MAML2: variants seen among roughly 807,000 people sequenced by gnomAD.
The protein encoded by MAML2 is mastermind like transcriptional coactivator 2.
In MAML2, 22 loss-of-function variants were observed where a neutral mutation model predicts 96.1. That is an observed-to-expected ratio of 0.23 (90% CI 0.16 to 0.33). MAML2 has a LOEUF of 0.33. Among genes scored for constraint, MAML2 ranks in the 10% least tolerant of loss-of-function variants. The probability of loss-of-function intolerance (pLI) is 1.00; values close to 1 mark genes in which losing one functional copy is unlikely to be tolerated. For synonymous variants in MAML2, 561 were observed against 521.3 expected (o/e 1.08, Z -1.04); for missense variants, 1,367 against 1,392.4 (o/e 0.98, Z 0.29).
chr11:96,034,913 C>T (rs1384872497), intron 2 of MAML2, among the ~76,000 whole-genome samples: 3 of 152,038 alleles, frequency 2.0e-5, no homozygotes, highest in Non-Finnish European at 4.4e-5. Flanking sequence ...TCAATATATG[C>T]CCTTAGTCAC....
chr11:96,011,007 CA>C (rs1272866544), intron 2 of MAML2, among the ~76,000 whole-genome samples: 4 of 152,000 alleles, frequency 2.6e-5, no homozygotes, highest in Non-Finnish European at 1.5e-5. Context: ...GTAAAATATT[CA>C]AAAATGGTTA....
chr11:96,202,355 A>AC (rs1861838892), intron 1 of MAML2, among the ~76,000 whole-genome samples: 1 of 151,302 alleles, frequency 6.6e-6, no homozygotes, highest in African/African-American at 2.4e-5. Flanking sequence ...CATCTCAAAA[A>AC]AAAAAAAAAA....
chr11:95,992,964 T>C (rs1857935619), intron 2 of MAML2, among the ~76,000 whole-genome samples: 1 of 152,030 alleles, frequency 6.6e-6, no homozygotes, highest in Non-Finnish European at 1.5e-5. Context: ...CACTGCAGCT[T>C]CAACCTCCCA....
chr11:96,122,497 G>GGTGTGT (rs67940033), intron 1 of MAML2, among the ~76,000 whole-genome samples: 11,051 of 135,670 alleles, frequency 0.081, 519 homozygotes, highest in Non-Finnish European at 0.13. Context: ...TTTTAGGCTG[G>GGTGTGT]GTGTGTGTGT....
chr11:96,005,186 A>G (rs648086), intron 2 of MAML2, among the ~76,000 whole-genome samples: 89,506 of 152,064 alleles, frequency 0.59, 27,088 homozygotes, highest in East Asian at 0.8. Context: ...TTTTGTTATA[A>G]CAGCACAAAT....
intron 1 of MAML2, among the ~76,000 whole-genome samples, chr11:96,309,799 G>C (rs1276924428): frequency 6.6e-6 from 1 of 151,382 alleles, no homozygotes; most frequent in Non-Finnish European, 1.5e-5. Context: ...TCCAGGCTCA[G>C]GTATTCCTCC....
intron 1 of MAML2, among the ~76,000 whole-genome samples, chr11:96,103,549 G>T (rs941743359): frequency 1.3e-5 from 2 of 152,144 alleles, no homozygotes; most frequent in African/African-American, 2.4e-5. Flanking sequence ...TACCAAAAAG[G>T]TCCCTTCTTT....
At chr11:96,097,791 G>A (rs116759175) in intron 1 of MAML2, among the ~76,000 whole-genome samples, 1 of 152,104 alleles carries the variant, frequency 6.6e-6, no homozygotes, top group African/African-American at 2.4e-5. Flanking sequence ...GTATACTGAA[G>A]GCTTATTCTA....
At chr11:96,266,519 C>T (rs757017361) in intron 1 of MAML2, among the ~76,000 whole-genome samples, 2 of 151,246 alleles carry the variant, frequency 1.3e-5, no homozygotes, top group African/African-American at 2.4e-5. Context: ...TGCAGTGAGC[C>T]GAGATGGCAC....
chr11:96,223,498 C>T (rs1862170071), intron 1 of MAML2, among the ~76,000 whole-genome samples: 2 of 151,874 alleles, frequency 1.3e-5, no homozygotes, highest in South Asian at 4.2e-4. Context: ...TTTGTCTTGC[C>T]CTGAGTCCTA....
chr11:96,025,992 T>C (rs1354740345), intron 2 of MAML2, among the ~76,000 whole-genome samples: 2 of 152,236 alleles, frequency 1.3e-5, no homozygotes, highest in African/African-American at 4.8e-5. Context: ...TTAAGAAGCA[T>C]TGTACATAGA....
chr11:96,123,254 T>A (rs1402746553), intron 1 of MAML2, among the ~76,000 whole-genome samples: 1 of 151,976 alleles, frequency 6.6e-6, no homozygotes, highest in African/African-American at 2.4e-5. Flanking sequence ...TCCAAAAAAA[T>A]GCCATCACAA....
At chr11:96,009,586 C>A (rs1475479014) in intron 2 of MAML2, among the ~76,000 whole-genome samples, 1 of 152,104 alleles carries the variant, frequency 6.6e-6, no homozygotes, top group Non-Finnish European at 1.5e-5. Flanking sequence ...ATTAGTAGAA[C>A]CAACTGTGTA....
chr11:95,993,714 C>CAAGT (rs906136162), intron 2 of MAML2, among the ~76,000 whole-genome samples: 3 of 152,060 alleles, frequency 2.0e-5, no homozygotes, highest in African/African-American at 7.2e-5. Flanking sequence ...AATAAATAAA[C>CAAGT]AAGTAAGTAA....
intron 1 of MAML2, among the ~76,000 whole-genome samples, chr11:96,287,380 T>C (rs750341428): frequency 1.1e-4 from 17 of 152,216 alleles, no homozygotes; most frequent in Non-Finnish European, 2.1e-4. Context: ...CAGGGGATTA[T>C]GTGAATGCCT....
intron 1 of MAML2, among the ~76,000 whole-genome samples, chr11:96,165,392 A>G (rs1256956904): frequency 6.6e-6 from 1 of 152,192 alleles, no homozygotes; most frequent in East Asian, 1.9e-4. Flanking sequence ...TCTGGCAAAC[A>G]CACTTTAAGA....
In MAML2 at chr11:96,018,489, G is replaced by A. The variant is rs568942510; in HGVS notation, c.2140-26766C>T. Among the ~76,000 whole-genome samples the A allele has an allele frequency of 1.1e-4, 17 of 152,304 alleles. No homozygotes were observed. In the South Asian group the frequency reaches 3.1e-3, roughly 28 times the overall value. On this transcript the variant is annotated intron_variant, in intron 2 of 4. Coordinates refer to ENST00000524717, the MANE Select transcript of MAML2 (RefSeq NM_032427.4). The stretch of plus-strand genomic sequence containing the variant: ...GTAACTGTCCTCTGGACACCCCATC[G>A]TTTGGAAGTCTGGTATATGAAGAAG...
intron 1 of MAML2, among the ~76,000 whole-genome samples, chr11:96,255,734 C>G (rs1226270385): frequency 6.6e-6 from 1 of 152,092 alleles, no homozygotes. Flanking sequence ...AAGCCACAGG[C>G]TACGAATGCA....
intron 1 of MAML2, among the ~76,000 whole-genome samples, chr11:96,272,338 A>T (rs1862928114): frequency 6.6e-6 from 1 of 152,346 alleles, no homozygotes; most frequent in Non-Finnish European, 1.5e-5. Flanking sequence ...CAATTGTTAC[A>T]TATATTGAAA....
Sources: gnomAD v4.1 joint callset for allele counts (sites outside exome capture counted in the v4.1 genomes callset) on GRCh38, gnomAD v4.1.1 for gene constraint, MANE v1.5 for transcripts, NCBI Gene and HGNC (gene_info 2026-07-23, HGNC 2026-07-21) for gene names.